THSD4: variants seen among roughly 807,000 people sequenced by gnomAD.
THSD4 encodes the protein thrombospondin type 1 domain containing 4.
Under a neutral mutation model 119.0 loss-of-function variants are expected in THSD4, and 69 were observed. That is an observed-to-expected ratio of 0.58 (90% confidence interval 0.48 to 0.71). THSD4 has a LOEUF of 0.71. Among genes scored for constraint, THSD4 ranks in the 30% least tolerant of loss-of-function variants. The pLI, the probability that THSD4 is intolerant of heterozygous loss-of-function variation, is 0.00. For synonymous variants in THSD4, 524 were observed against 540.4 expected, an observed-to-expected ratio of 0.97 and a Z score of 0.42; for missense variants, 1,393 against 1,391.1, an observed-to-expected ratio of 1.00 and a Z score of -0.02.
In THSD4 at chr15:71,140,729, G is replaced by A. The variant is rs533591588; in HGVS notation, c.-79-720G>A. Among the ~76,000 whole-genome samples the A allele has an allele frequency of 1.5e-3, 226 of 152,170 alleles. 7 individuals are homozygous for A. In the South Asian group the frequency reaches 0.046, roughly 31 times the overall value. On this transcript the variant is annotated intron_variant, in intron 1 of 17. Coordinates refer to ENST00000261862, the MANE Select transcript of THSD4 (RefSeq NM_024817.3). ...TTGAGATATAATTTATTTCCCATAC[G>A]TTTCACAATTTCGTGTACAATTCAG...
upstream of THSD4, chr15:71,110,948 G>C (rs999770510): frequency 5.0e-6 from 3 of 598,484 alleles, no homozygotes; most frequent in Non-Finnish European, 8.8e-6. Flanking sequence ...GTTAATCATC[G>C]CCGGAAGAAG....
At chr15:71,207,709 T>C (rs146413760) in intron 3 of THSD4, among the ~76,000 whole-genome samples, 517 of 152,256 alleles carry the variant, frequency 3.4e-3, no homozygotes, top group African/African-American at 0.012. Flanking sequence ...TGAACCCTAT[T>C]GTGAACTGTG....
intron 7 of THSD4, among the ~76,000 whole-genome samples, chr15:71,647,422 A>G (rs1041344950): frequency 1.3e-5 from 2 of 152,182 alleles, no homozygotes; most frequent in Non-Finnish European, 2.9e-5. Flanking sequence ...AGGAGCCTTC[A>G]TGTTTAAACA....
At chr15:71,666,070 T>A (rs1209215505) in intron 8 of THSD4, among the ~76,000 whole-genome samples, 1 of 152,200 alleles carries the variant, frequency 6.6e-6, no homozygotes, top group African/African-American at 2.4e-5. Context: ...AGGAATAACA[T>A]TGAATCTGTA....
chr15:71,153,774 T>C (rs529880709), intron 2 of THSD4, among the ~76,000 whole-genome samples: 124 of 152,218 alleles, frequency 8.1e-4, no homozygotes, highest in Admixed American at 2.6e-3. Flanking sequence ...CACTATATTA[T>C]TTAACTTAGG....
intron 16 of THSD4, among the ~76,000 whole-genome samples, chr15:71,765,790 C>CTGTGTGTGTGTG (rs59012463): frequency 4.8e-5 from 7 of 146,222 alleles, no homozygotes; most frequent in Non-Finnish European, 6.0e-5. Flanking sequence ...CACACACTCT[C>CTGTGTGTGTGTG]TGTGTGTGTG....
At chr15:71,257,836 C>T (rs997779819) in intron 6 of THSD4, among the ~76,000 whole-genome samples, 1 of 151,978 alleles carries the variant, frequency 6.6e-6, no homozygotes, top group African/African-American at 2.4e-5. Context: ...TAAGAACTAA[C>T]TTGACTGAAA....
chr15:71,336,468 T>C (rs1454389967), intron 6 of THSD4, among the ~76,000 whole-genome samples: 1 of 152,192 alleles, frequency 6.6e-6, no homozygotes, highest in Non-Finnish European at 1.5e-5. Context: ...AAAAAAGTAA[T>C]TTGAGTGTGA....
intron 16 of THSD4, among the ~76,000 whole-genome samples, chr15:71,768,143 T>C (rs935848902): frequency 6.6e-6 from 1 of 152,116 alleles, no homozygotes; most frequent in Non-Finnish European, 1.5e-5. Context: ...GTAAAGGTGC[T>C]GAGGGAATAT....
At chr15:71,207,569 A>G (rs2043854502) in intron 3 of THSD4, among the ~76,000 whole-genome samples, 1 of 152,174 alleles carries the variant, frequency 6.6e-6, no homozygotes, top group African/African-American at 2.4e-5. Context: ...TGGGCTGTGG[A>G]CCAGTACTGG....
intron 8 of THSD4, among the ~76,000 whole-genome samples, chr15:71,721,780 C>T (rs1240741757): frequency 6.6e-6 from 1 of 151,820 alleles, no homozygotes; most frequent in Non-Finnish European, 1.5e-5. Context: ...ATTGTTGGTA[C>T]CCACAGTTTA....
At chr15:71,329,316 G>T (rs2045392042) in intron 6 of THSD4, among the ~76,000 whole-genome samples, 1 of 152,166 alleles carries the variant, frequency 6.6e-6, no homozygotes, top group African/African-American at 2.4e-5. Context: ...TCACGGACTT[G>T]AAAGGACAGA....
chr15:71,165,804 G>T (rs1051629791), intron 3 of THSD4, among the ~76,000 whole-genome samples: 1 of 152,128 alleles, frequency 6.6e-6, no homozygotes, highest in African/African-American at 2.4e-5. Flanking sequence ...TGGGCCAGCA[G>T]GCTGTTTGGT....
intron 7 of THSD4, among the ~76,000 whole-genome samples, chr15:71,468,491 C>G (rs2047530501): frequency 6.6e-6 from 1 of 152,234 alleles, no homozygotes; most frequent in African/African-American, 2.4e-5. Flanking sequence ...CTTTAACAAG[C>G]AATTGGCAAT....
intron 6 of THSD4, chr15:71,341,048 C>T (rs2045561110): frequency 1.3e-6 from 1 of 767,944 alleles, no homozygotes; most frequent in Non-Finnish European, 2.1e-6. Flanking sequence ...CTCTCTCTCC[C>T]ATTTCTTTTT....
In THSD4 at chr15:71,393,094, G is replaced by A. The variant is rs572794248; in HGVS notation, c.1016-18593G>A. Among the ~76,000 whole-genome samples the A allele has an allele frequency of 1.2e-3, 183 of 152,274 alleles. 2 individuals are homozygous for A. The highest frequency in any genetic ancestry group is 5.8e-3 in the Admixed American group (89 of 15,310). ...TTGATTGTGATTGGGATGGATTGAC[G>A]TCTTTTAAAGTCCTGGGGAGGAATG... On this transcript the variant is annotated intron_variant, in intron 6 of 17. Transcript: ENST00000261862.
At chr15:71,671,759 G>T (rs1305192176) in intron 8 of THSD4, among the ~76,000 whole-genome samples, 2 of 152,138 alleles carry the variant, frequency 1.3e-5, no homozygotes, top group African/African-American at 4.8e-5. Context: ...CCCACTTCTT[G>T]TTTTTGTTAG....
chr15:71,630,577 T>G (rs781084161), intron 7 of THSD4, among the ~76,000 whole-genome samples: 6 of 152,140 alleles, frequency 3.9e-5, no homozygotes, highest in Non-Finnish European at 7.4e-5. Context: ...TTTTTCCCCA[T>G]CTATTCAAGC....
intron 7 of THSD4, among the ~76,000 whole-genome samples, chr15:71,506,471 A>G (rs931771677): frequency 2.6e-5 from 4 of 152,254 alleles, no homozygotes; most frequent in Non-Finnish European, 4.4e-5. Context: ...GACTGACTCT[A>G]CCCCGTAAGG....
Sources: gnomAD v4.1 joint callset for allele counts (sites outside exome capture counted in the v4.1 genomes callset) on GRCh38, gnomAD v4.1.1 for gene constraint, MANE v1.5 for transcripts, NCBI Gene and HGNC (gene_info 2026-07-23, HGNC 2026-07-21) for gene names.